CMPK1: variants seen among roughly 807,000 people sequenced by gnomAD.
The protein encoded by CMPK1 is cytidine/uridine monophosphate kinase 1, also known as UMP-CMP kinase.
Under a neutral mutation model 25.7 loss-of-function variants are expected in CMPK1, and 10 were observed. The observed-to-expected ratio is 0.39, with a 90% CI of 0.24 to 0.66. The LOEUF (loss-of-function observed/expected upper bound fraction) is 0.66. Ranked by LOEUF, CMPK1 falls within the 30% of genes least tolerant of loss-of-function variation. The pLI is 0.48. For missense variants in CMPK1, 199 were observed against 280.5 expected, an observed-to-expected ratio of 0.71 and a Z score of 2.08; for synonymous variants, 106 against 101.5, an observed-to-expected ratio of 1.04 and a Z score of -0.27.
intron 1 of CMPK1, among the ~76,000 whole-genome samples, chr1:47,351,215 G>T (rs534220578): frequency 8.5e-5 from 13 of 152,126 alleles, no homozygotes; most frequent in African/African-American, 3.1e-4. Context: ...AAGTAGCTGG[G>T]ACTACAAGCA....
chr1:47,376,807 G>T lies in CMPK1; in HGVS notation c.*62G>T, dbSNP rs1292546352. The stretch of plus-strand genomic sequence containing the variant: ...ATATTGCTTTGATAGCTGCTATCAT[G>T]ACCCCTTTTTAAGGCAATTCTAATC... On this transcript the variant is annotated 3_prime_UTR_variant, in exon 6 of 6. Coordinates refer to ENST00000371873, the MANE Select transcript of CMPK1 (RefSeq NM_016308.3). 3.2e-6 allele frequency: 3 copies of T among 928,356 alleles called. No homozygotes were observed. Among genetic ancestry groups the T allele is most frequent in the South Asian group, 1.5e-5 (1 of 67,702 alleles). The allele number at this position is 928,356 out of a possible 1,614,324, so 57.5% of individuals were successfully genotyped here.
intron 2 of CMPK1, among the ~76,000 whole-genome samples, chr1:47,370,825 C>T (rs1032337902): frequency 6.0e-5 from 9 of 151,240 alleles, no homozygotes; most frequent in Non-Finnish European, 1.3e-4. Context: ...GTGGCAGGCA[C>T]CTGTAATCCC....
chr1:47,352,184 T>A (rs1470629854), intron 1 of CMPK1, among the ~76,000 whole-genome samples: 1 of 152,178 alleles, frequency 6.6e-6, no homozygotes, highest in Non-Finnish European at 1.5e-5. Context: ...AATTGGGTTA[T>A]ATATCTTCTT....
intron 1 of CMPK1, among the ~76,000 whole-genome samples, chr1:47,353,633 C>T (rs1211606038): frequency 6.6e-6 from 1 of 152,006 alleles, no homozygotes; most frequent in Non-Finnish European, 1.5e-5. Context: ...ATCCTTACTT[C>T]ATGTGAGACA....
At chr1:47,334,813 C>T (rs534235891) in intron 1 of CMPK1, among the ~76,000 whole-genome samples, 3 of 152,354 alleles carry the variant, frequency 2.0e-5, no homozygotes, top group African/African-American at 7.2e-5. Context: ...TCACGCTCGG[C>T]CCTCGGTCAC....
At chr1:47,364,084 T>G (rs1167310381) in intron 1 of CMPK1, among the ~76,000 whole-genome samples, 1 of 152,028 alleles carries the variant, frequency 6.6e-6, no homozygotes, top group African/African-American at 2.4e-5. Flanking sequence ...TGCAGCATTT[T>G]GGGGTGTTTG....
At chr1:47,337,727 C>T (rs1646409723) in intron 1 of CMPK1, among the ~76,000 whole-genome samples, 1 of 151,894 alleles carries the variant, frequency 6.6e-6, no homozygotes, top group Non-Finnish European at 1.5e-5. Flanking sequence ...GATTCTCTGC[C>T]TCAGCCTCCC....
intron 1 of CMPK1, among the ~76,000 whole-genome samples, chr1:47,361,600 G>A (rs531471140): frequency 4.6e-5 from 7 of 152,242 alleles, no homozygotes; most frequent in Non-Finnish European, 8.8e-5. Context: ...AGAGTTAGGA[G>A]GGGTCTGATA....
chr1:47,351,226 C>G (rs1482910976), intron 1 of CMPK1, among the ~76,000 whole-genome samples: 1 of 152,062 alleles, frequency 6.6e-6, no homozygotes, highest in African/African-American at 2.4e-5. Context: ...ACTACAAGCA[C>G]ATGCCACCAC....
intron 1 of CMPK1, among the ~76,000 whole-genome samples, chr1:47,367,050 A>G (rs1464833708): frequency 6.6e-6 from 1 of 152,012 alleles, no homozygotes; most frequent in Non-Finnish European, 1.5e-5. Flanking sequence ...TTAAAAAAAA[A>G]GTTTAATAGA....
At chr1:47,343,198 G>A (rs1296029066) in intron 1 of CMPK1, among the ~76,000 whole-genome samples, 1 of 150,472 alleles carries the variant, frequency 6.6e-6, no homozygotes, top group African/African-American at 2.5e-5. Flanking sequence ...TGTTGGTCAG[G>A]CTGGTCTTGA....
intron 2 of CMPK1, among the ~76,000 whole-genome samples, chr1:47,371,358 ACT>A (rs1298827072): frequency 6.6e-6 from 1 of 152,006 alleles, no homozygotes; most frequent in African/African-American, 2.4e-5. Flanking sequence ...TTACTTTTTC[ACT>A]CTCTACTTTT....
intron 1 of CMPK1, among the ~76,000 whole-genome samples, chr1:47,335,454 T>C (rs1261568532): frequency 6.6e-6 from 1 of 152,026 alleles, no homozygotes; most frequent in Non-Finnish European, 1.5e-5. Context: ...CTGGCTAACA[T>C]GGCGAAACGT....
chr1:47,359,505 A>AAAC (rs1646587298), intron 1 of CMPK1, among the ~76,000 whole-genome samples: 1 of 143,186 alleles, frequency 7.0e-6, no homozygotes, highest in Non-Finnish European at 1.5e-5. Context: ...CTCCTGTTTC[A>AAAC]GCCTCCTGAG....
intron 1 of CMPK1, among the ~76,000 whole-genome samples, chr1:47,354,247 T>G (rs149891377): frequency 4.2e-4 from 64 of 152,284 alleles, no homozygotes; most frequent in African/African-American, 1.5e-3. Flanking sequence ...CAGGATCACT[T>G]GAGCCCAGGA....
rs1382823203 is a variant in CMPK1, at chr1:47,334,095, C to G, written c.150C>G (p.Thr50=). 6.6e-7 allele frequency: 1 copy of G among 1,524,226 alleles called. No individual in the cohort carries two copies. Among genetic ancestry groups the G allele is most frequent in the Non-Finnish European group, 8.8e-7 (1 of 1,133,924 alleles). 94.4% of individuals were successfully genotyped at this position (1,524,226 alleles called of 1,614,324 possible). Residue 50 remains threonine (T), a synonymous_variant, in exon 1 of 6, where the codon ACC becomes ACG. Coordinates refer to ENST00000371873, the MANE Select transcript of CMPK1 (RefSeq NM_016308.3). ...GCGGCCCCGGCGCCGGCAAGGGGACCCAGTGCGCCCGCATCGTCGAGGTGA... is the reference window on the plus strand; with the variant it reads ...GCGGCCCCGGCGCCGGCAAGGGGACGCAGTGCGCCCGCATCGTCGAGGTGA... ...VLGGPGAGKG[T]QCARIVEKYG...
intron 1 of CMPK1, among the ~76,000 whole-genome samples, chr1:47,353,548 G>A (rs560243167): frequency 1.3e-5 from 2 of 152,216 alleles, no homozygotes; most frequent in South Asian, 2.1e-4. Flanking sequence ...TTAAATTTTA[G>A]ATAAGTTTTT....
chr1:47,347,340 G>A (rs539280530), intron 1 of CMPK1, among the ~76,000 whole-genome samples: 2 of 152,044 alleles, frequency 1.3e-5, no homozygotes, highest in East Asian at 3.9e-4. Flanking sequence ...CTCATGAGTA[G>A]CTGGGACTAC....
chr1:47,377,598 G>GAAA lies in CMPK1; in HGVS notation c.*853_*854insAAA, dbSNP rs931133236. The GAAA allele has an allele frequency of 2.0e-5, 3 of 151,358 alleles. No homozygotes were observed. Among genetic ancestry groups the GAAA allele is most frequent in the Non-Finnish European group, 3.0e-5 (2 of 67,730 alleles). 9.4% of individuals were successfully genotyped at this position (151,358 alleles called of 1,614,324 possible). On this transcript the variant is annotated 3_prime_UTR_variant, in exon 6 of 6. Coordinates refer to ENST00000371873, the MANE Select transcript of CMPK1 (RefSeq NM_016308.3). ...TTAGCATTTTAGTAACACTTCAAAG[G>GAAA]TTTTTTTTTGTTTGTTTTCTAGACT... is the stretch of plus-strand genomic sequence containing the variant.
Sources: allele counts gnomAD v4.1 joint callset (sites outside exome capture counted in the v4.1 genomes callset), GRCh38; gene constraint gnomAD v4.1.1; transcripts MANE v1.5; gene names NCBI Gene and HGNC (gene_info 2026-07-23, HGNC 2026-07-21).